The following KRT71 variants were observed in gnomAD, a reference collection of about 807,000 sequenced individuals.
KRT71 encodes the protein keratin, type II cytoskeletal 71.
KRT71 carries 42 observed loss-of-function variants against 46.2 expected under a neutral mutation model. That is an observed-to-expected ratio of 0.91 (90% CI 0.71 to 1.18). KRT71 has a LOEUF of 1.18. Ranked by LOEUF, KRT71 falls within the 50% of genes most tolerant of loss-of-function variation. The pLI is 0.00. For synonymous variants in KRT71, 292 were observed against 277.8 expected, an observed-to-expected ratio of 1.05 and a Z score of -0.51; for missense variants, 708 against 677.9, an observed-to-expected ratio of 1.04 and a Z score of -0.49.
chr12:52,548,378 C>T (rs535756975), intron 4 of KRT71, 62 bp from the exon 5 acceptor site: 1 of 1,542,304 alleles, frequency 6.5e-7, no homozygotes, highest in Non-Finnish European at 8.8e-7. Flanking sequence ...CCACCACCCC[C>T]AAACAAGATG....
rs570129658 is a variant in KRT71 at position 52,547,732 on chromosome 12, G to A, written c.1104+125C>T. The A allele has an allele frequency of 3.5e-5, 42 of 1,207,552 alleles. No homozygotes were observed. The African/African-American group carries it at 3.8e-4, about 11-fold the overall frequency. 74.8% of individuals were successfully genotyped at this position (1,207,552 alleles called of 1,614,324 possible). A position where few individuals can be genotyped will look rare whatever the true frequency, so the allele number is the denominator to read the frequency against. On this transcript the variant is annotated intron_variant, in intron 6 of 8. Transcript: ENST00000267119. Reference sequence around the variant, plus strand: ...TCCTGCTCCAGGTGTTTGAGGCAGCGACCTCACTGGCCTTCTCTCTTCTCC... The same window carrying A: ...TCCTGCTCCAGGTGTTTGAGGCAGCAACCTCACTGGCCTTCTCTCTTCTCC...
chr12:52,548,769 C>T lies in KRT71; in HGVS notation c.745G>A (p.Val249Met), dbSNP rs1939106411. The change falls in exon 4 of 9, where the codon GTG (valine) becomes ATG (methionine). Residue 249 changes from valine (V) to methionine (M), a missense_variant. By Grantham distance (21) the Val-to-Met change is conservative (BLOSUM62 1). Coordinates refer to ENST00000267119, the MANE Select transcript of KRT71 (RefSeq NM_033448.3). ...GATTCCACCTTGGCCTGCAGTTCCA[C>T]CTTATTGGCGTAAGCAGCATCCACA... ...KDVDAAYANKVELQAKVESMD... is the reference protein window; with the variant it reads ...KDVDAAYANKMELQAKVESMD... 6.2e-7 allele frequency: 1 copy of T among 1,614,228 alleles called. No individual in the cohort carries two copies. Among genetic ancestry groups the T allele is most frequent in the South Asian group, 1.1e-5 (1 of 91,076 alleles).
At position 52,548,133 on chromosome 12, in the gene KRT71, C is replaced by T. The variant is rs755737166; in HGVS notation, c.978+19G>A. ...CCCGCTGGCATCACCCTCCCTGGCC[C>T]CACCTCAGCCCAGCTCACCTTGGTC... is the stretch of plus-strand genomic sequence containing the variant. On this transcript the variant is annotated intron_variant, in intron 5 of 8. Transcript: ENST00000267119. The T allele has an allele frequency of 2.5e-6, 4 of 1,610,762 alleles. No homozygotes were observed. Among genetic ancestry groups the T allele is most frequent in the Non-Finnish European group, 3.4e-6 (4 of 1,178,204 alleles).
chr12:52,549,618 C>A (rs150605821), intron 2 of KRT71, among the ~76,000 whole-genome samples: 1 of 152,274 alleles, frequency 6.6e-6, no homozygotes, highest in East Asian at 1.9e-4. Flanking sequence ...TCAGAGGAAC[C>A]AGGATGTGAA....
Position 52,549,900 on chromosome 12 carries a change from T to C in KRT71, c.656+129A>G, listed in dbSNP as rs673916. The C allele has an allele frequency of 0.21, 224,885 of 1,056,810 alleles. 25,486 individuals carry two copies. The highest frequency in any genetic ancestry group is 0.23 in the Non-Finnish European group (166,212 of 719,120). 65.5% of individuals were successfully genotyped at this position (1,056,810 alleles called of 1,614,324 possible). A position where few individuals can be genotyped will look rare whatever the true frequency, so the allele number is the denominator to read the frequency against. On this transcript the variant is annotated intron_variant, in intron 2 of 8. Transcript: ENST00000267119. ...AAGTTCCAGAGTTTTGTTGGGGTGATTCTGCTTGATATGACCAAGAACAAT... is the reference window on the plus strand; with the variant it reads ...AAGTTCCAGAGTTTTGTTGGGGTGACTCTGCTTGATATGACCAAGAACAAT...
At chr12:52,547,522 C>T (rs1369594887) in intron 6 of KRT71, among the ~76,000 whole-genome samples, 1 of 152,212 alleles carries the variant, frequency 6.6e-6, no homozygotes, top group Admixed American at 6.5e-5. Flanking sequence ...CAGCTCCCTG[C>T]CCCCTTTCAG....
Position 52,544,424 on chromosome 12 carries a change from G to T in KRT71, c.*108C>A. ...GGCCAAGGCCAGTGCCAGGTGTATG[G>T]GAGCAGGACCAGCAGGGTGGAGATG... On this transcript the variant is annotated 3_prime_UTR_variant, in exon 9 of 9. Coordinates refer to ENST00000267119, the MANE Select transcript of KRT71 (RefSeq NM_033448.3). 1 of 1,042,928 alleles carries T rather than the reference G, an allele frequency of 9.6e-7. No individual in the cohort carries two copies. Among genetic ancestry groups the T allele is most frequent in the Non-Finnish European group, 1.5e-6 (1 of 675,908 alleles). 64.6% of individuals were successfully genotyped at this position (1,042,928 alleles called of 1,614,324 possible).
At position 52,548,178 on chromosome 12, in the gene KRT71, C is replaced by T. The variant is rs370044720; in HGVS notation, c.952G>A (p.Glu318Lys). Residue 318 changes from glutamate (E) to lysine (K), a missense_variant, in exon 5 of 9, where the codon GAG (glutamate) becomes AAG (lysine). Physicochemically the swap from Glu to Lys is moderately conservative, Grantham distance 56. Transcript: ENST00000267119. ...TTGGTCTGGTACAGGGCCTCAGCCTCGGCCTTACTCTTCAAGGCAATCTCC... is the reference window on the plus strand; with the variant it reads ...TTGGTCTGGTACAGGGCCTCAGCCTTGGCCTTACTCTTCAAGGCAATCTCC... ...YEEIALKSKA[E>K]AEALYQTKFQ... The T allele has an allele frequency of 4.3e-6, 7 of 1,613,968 alleles. No homozygotes were observed. Among genetic ancestry groups the T allele is most frequent in the South Asian group, 1.1e-5 (1 of 91,052 alleles).
At chr12:52,550,780 G>A (rs1939155862) in intron 1 of KRT71, among the ~76,000 whole-genome samples, 1 of 152,210 alleles carries the variant, frequency 6.6e-6, no homozygotes, top group South Asian at 2.1e-4. Flanking sequence ...AACAAGCATG[G>A]CACATGGAAC....
rs759463275 is a variant in KRT71, at chr12:52,549,366, C to T, written c.657-13G>A. ...TTCCTCCTCATACCTGTGGGAATGG[C>T]GAGGGCTCATTGGTTAATATCTCAC... On this transcript the variant is annotated splice_polypyrimidine_tract_variant and intron_variant, in intron 2 of 8. Coordinates refer to ENST00000267119, the MANE Select transcript of KRT71 (RefSeq NM_033448.3). 7.5e-6 allele frequency: 12 copies of T among 1,608,852 alleles called. No individual in the cohort carries two copies. Among genetic ancestry groups the T allele is most frequent in the Middle Eastern group, 1.7e-4 (1 of 6,050 alleles).
chr12:52,551,440 CATCTCAG>C (rs1939167400), intron 1 of KRT71, among the ~76,000 whole-genome samples: 1 of 152,230 alleles, frequency 6.6e-6, no homozygotes, highest in African/African-American at 2.4e-5. Flanking sequence ...ACCCAGACCC[CATCTCAG>C]AACACTTTGA....
In KRT71 at chr12:52,548,637, C is replaced by G. The variant is rs143253176; in HGVS notation, c.813+64G>C. 7,309 of 1,406,424 alleles carry G rather than the reference C, an allele frequency of 5.2e-3. 30 individuals are homozygous for G. The highest frequency in any genetic ancestry group is 6.9e-3 in the Non-Finnish European group (6,822 of 994,302). The allele number at this position is 1,406,424 out of a possible 1,614,324, so 87.1% of individuals were successfully genotyped here. On this transcript the variant is annotated intron_variant, in intron 4 of 8. Coordinates refer to ENST00000267119, the MANE Select transcript of KRT71 (RefSeq NM_033448.3). ...GCTGGGGCCTCCATGTCTCCTGCAG[C>G]CCCTAGAATAGAGTTTAACCCACCA...
intron 8 of KRT71, 140 bp from the exon 9 acceptor site, chr12:52,544,883 C>T (rs959354538): frequency 1.4e-6 from 1 of 700,710 alleles, no homozygotes; most frequent in Non-Finnish European, 2.5e-6. Context: ...GAGAATGTAC[C>T]AAAGACAGCT....
At chr12:52,547,539 G>A (rs1410589605) in intron 6 of KRT71, among the ~76,000 whole-genome samples, 1 of 152,186 alleles carries the variant, frequency 6.6e-6, no homozygotes, top group Non-Finnish European at 1.5e-5. Flanking sequence ...TCAGTCTAGT[G>A]GCAGTGTCAG....
At chr12:52,545,315 C>T (rs867203139) in intron 8 of KRT71, among the ~76,000 whole-genome samples, 2 of 152,330 alleles carry the variant, frequency 1.3e-5, no homozygotes, top group Middle Eastern at 3.4e-3. Flanking sequence ...CTTGCTTTCC[C>T]ATGACAATAG....
At position 52,544,192 on chromosome 12, in the gene KRT71, A is replaced by G. The variant is rs2120546636; in HGVS notation, c.*340T>C. On this transcript the variant is annotated 3_prime_UTR_variant, in exon 9 of 9. Coordinates refer to ENST00000267119, the MANE Select transcript of KRT71 (RefSeq NM_033448.3). ...TCCCAGTGTGTGCGGGGCCTTGGGC[A>G]GAGACCCAGGGAGCCCAGCAGAGTA... 5.4e-6 allele frequency: 2 copies of G among 371,494 alleles called. No homozygotes were observed. Among genetic ancestry groups the G allele is most frequent in the Non-Finnish European group, 1.0e-5 (2 of 196,138 alleles). 23.0% of individuals were successfully genotyped at this position (371,494 alleles called of 1,614,324 possible). A position where few individuals can be genotyped will look rare whatever the true frequency, so the allele number is the denominator to read the frequency against.
At position 52,552,902 on chromosome 12, in the gene KRT71, A is replaced by T; in HGVS notation, c.176T>A (p.Val59Glu). 6.2e-7 allele frequency: 1 copy of T among 1,614,160 alleles called. No individual in the cohort carries two copies. Among genetic ancestry groups the T allele is most frequent in the Non-Finnish European group, 8.5e-7 (1 of 1,180,028 alleles). Reference sequence around the variant, plus strand: ...TCCACTCTTCCCGCTGCCACTGGCCACATTGAGGCTCCGGACACCCCCCAG... The same window carrying T: ...TCCACTCTTCCCGCTGCCACTGGCCTCATTGAGGCTCCGGACACCCCCCAG... ...YSLGGVRSLN[V>E]ASGSGKSGGY... Residue 59 changes from valine to glutamate, a missense_variant, in exon 1 of 9, where the codon GTG becomes GAG. Transcript: ENST00000267119.
chr12:52,548,378 C>A lies in KRT71; in HGVS notation c.814-62G>T, dbSNP rs535756975. Reference sequence around the variant, plus strand: ...GCTGTCGGAAGCCAACCACCACCCCCAAACAAGATGAGCAAATTCTGGTGA... The same window carrying A: ...GCTGTCGGAAGCCAACCACCACCCCAAAACAAGATGAGCAAATTCTGGTGA... On this transcript the variant is annotated intron_variant, in intron 4 of 8. Transcript: ENST00000267119. The A allele has an allele frequency of 2.3e-5, 35 of 1,542,422 alleles. No individual in the cohort carries two copies. The Admixed American group carries it at 2.7e-4, about 12-fold the overall frequency.
Position 52,545,556 on chromosome 12 carries a change from A to G in KRT71, c.1360+9T>C, listed in dbSNP as rs758071157. 1 of 1,536,994 alleles carries G rather than the reference A, an allele frequency of 6.5e-7. No individual in the cohort carries two copies. The highest frequency in any genetic ancestry group is 1.1e-5 in the South Asian group (1 of 87,522). On this transcript the variant is annotated intron_variant, in intron 8 of 8. Coordinates refer to ENST00000267119, the MANE Select transcript of KRT71 (RefSeq NM_033448.3). ...TTACAATTTTAGGTGAAAGTATACA[A>G]ATACTTACAGATGCTGACAGGGGAG...
Sources: gnomAD v4.1 joint callset for allele counts (sites outside exome capture counted in the v4.1 genomes callset) on GRCh38, gnomAD v4.1.1 for gene constraint, MANE v1.5 for transcripts, NCBI Gene and HGNC (gene_info 2026-07-23, HGNC 2026-07-21) for gene names.